TMCO5A: variants seen among roughly 807,000 people sequenced by gnomAD.
The protein encoded by TMCO5A is transmembrane and coiled-coil domain-containing protein 5A.
In TMCO5A, 34 loss-of-function variants were observed where a neutral mutation model predicts 42.3. The observed-to-expected ratio is 0.80, with a 90% CI of 0.61 to 1.07. TMCO5A has a LOEUF of 1.07. TMCO5A is among the 50% of genes least tolerant of loss of function. The pLI is 0.00. For synonymous variants in TMCO5A, 131 were observed against 115.6 expected (o/e 1.13, Z -0.86); for missense variants, 357 against 327.9 (o/e 1.09, Z -0.69).
intron 10 of TMCO5A, among the ~76,000 whole-genome samples, chr15:37,945,923 T>C (rs1889934005): frequency 6.6e-6 from 1 of 152,176 alleles, no homozygotes; most frequent in Non-Finnish European, 1.5e-5. Flanking sequence ...GCTTTTGGCA[T>C]TTTCATCAAG....
At chr15:37,948,628 G>A (rs1266075890) in intron 11 of TMCO5A, among the ~76,000 whole-genome samples, 1 of 152,098 alleles carries the variant, frequency 6.6e-6, no homozygotes, top group Non-Finnish European at 1.5e-5. Flanking sequence ...AATAAGGACT[G>A]TCTGCCTAAA....
chr15:38,019,567 C>CCACT, the TMCO5A span, among the ~76,000 whole-genome samples: 1 of 152,086 alleles, frequency 6.6e-6, no homozygotes, highest in African/African-American at 2.4e-5. Context: ...ACAACCTCCC[C>CCACT]CACTGTCAGC....
At position 37,938,076 on chromosome 15, in the gene TMCO5A, T is replaced by G. The variant is rs1299705185; in HGVS notation, c.316-82T>G. On this transcript the variant is annotated intron_variant, in intron 5 of 11. Coordinates refer to ENST00000319669, the MANE Select transcript of TMCO5A (RefSeq NM_152453.4). ...ATCCTGGAAAGGTTTATAAAGGCCATAGTTACTAATCTCCACACACCAGAG... is the reference window on the plus strand; with the variant it reads ...ATCCTGGAAAGGTTTATAAAGGCCAGAGTTACTAATCTCCACACACCAGAG... The G allele has an allele frequency of 4.3e-6, 5 of 1,170,906 alleles. No homozygotes were observed. In the Admixed American group the frequency reaches 1.1e-4, roughly 25 times the overall value. The allele number at this position is 1,170,906 out of a possible 1,614,324, so 72.5% of individuals were successfully genotyped here.
the TMCO5A span, among the ~76,000 whole-genome samples, chr15:38,018,867 A>T: frequency 6.6e-6 from 1 of 152,140 alleles, no homozygotes; most frequent in African/African-American, 2.4e-5. Flanking sequence ...AAGAAATGAA[A>T]ATTAGATGGG....
chr15:37,959,033 A>T (rs563401840), intron 11 of TMCO5A, among the ~76,000 whole-genome samples: 16 of 151,636 alleles, frequency 1.1e-4, no homozygotes, highest in Non-Finnish European at 2.1e-4. Context: ...AACACCAAAC[A>T]CCATATGTTC....
downstream of TMCO5A, among the ~76,000 whole-genome samples, chr15:37,972,463 T>C (rs1039241647): frequency 1.3e-5 from 2 of 152,226 alleles, no homozygotes; most frequent in Admixed American, 1.3e-4. Flanking sequence ...TTTGAGTTTT[T>C]AATAATAGCC....
At chr15:38,032,449 A>G in the TMCO5A span, among the ~76,000 whole-genome samples, 1 of 152,236 alleles carries the variant, frequency 6.6e-6, no homozygotes, top group Admixed American at 6.5e-5. Context: ...TATGCTACGT[A>G]AAGGGGCAAA....
intron 6 of TMCO5A, among the ~76,000 whole-genome samples, chr15:37,939,814 C>T (rs149993682): frequency 6.6e-6 from 1 of 152,162 alleles, no homozygotes; most frequent in East Asian, 1.9e-4. Flanking sequence ...TGACTCACAC[C>T]ATTGGCTTGA....
intron 11 of TMCO5A, chr15:37,956,769 C>T (rs1890303197): frequency 6.6e-6 from 1 of 152,174 alleles, no homozygotes; most frequent in South Asian, 2.1e-4. Context: ...ATACCAAAAC[C>T]TAGCAAAGAC....
At chr15:38,010,663 C>A in the TMCO5A span, among the ~76,000 whole-genome samples, 1 of 152,140 alleles carries the variant, frequency 6.6e-6, no homozygotes, top group Admixed American at 6.5e-5. Context: ...AAATAAATTT[C>A]TGTGGTTTTA....
the TMCO5A span, among the ~76,000 whole-genome samples, chr15:38,016,089 T>G: frequency 6.6e-6 from 1 of 152,102 alleles, no homozygotes; most frequent in Non-Finnish European, 1.5e-5. Flanking sequence ...TCAATGTAGG[T>G]TCATCAGTTG....
intron 11 of TMCO5A, among the ~76,000 whole-genome samples, chr15:37,961,653 C>T (rs1318804616): frequency 6.6e-6 from 1 of 152,056 alleles, no homozygotes; most frequent in African/African-American, 2.4e-5. Flanking sequence ...AATATTGATT[C>T]TACCCATCCG....
the TMCO5A span, among the ~76,000 whole-genome samples, chr15:37,980,844 TA>T: frequency 6.6e-6 from 1 of 152,096 alleles, no homozygotes; most frequent in South Asian, 2.1e-4. Flanking sequence ...CCACACCCTC[TA>T]AACCCATGAA....
the TMCO5A span, among the ~76,000 whole-genome samples, chr15:37,973,087 G>T: frequency 6.6e-6 from 1 of 151,622 alleles, no homozygotes; most frequent in Non-Finnish European, 1.5e-5. Flanking sequence ...GACTATTGTA[G>T]GTGTGTGGTT....
chr15:37,976,138 G>A, the TMCO5A span, among the ~76,000 whole-genome samples: 29 of 151,682 alleles, frequency 1.9e-4, no homozygotes, highest in Non-Finnish European at 3.2e-4. Flanking sequence ...CCAGCTACTC[G>A]GGAGGCTGAG....
chr15:38,008,158 G>A, the TMCO5A span, among the ~76,000 whole-genome samples: 3 of 151,594 alleles, frequency 2.0e-5, no homozygotes, highest in South Asian at 4.2e-4. Flanking sequence ...GCCTCCCAAA[G>A]TGCTGAGATT....
At chr15:37,948,212 C>T (rs79612711) in intron 11 of TMCO5A, among the ~76,000 whole-genome samples, 3 of 152,008 alleles carry the variant, frequency 2.0e-5, no homozygotes, top group African/African-American at 7.2e-5. Flanking sequence ...GATTCAAATA[C>T]CTGAGTAGAT....
the TMCO5A span, among the ~76,000 whole-genome samples, chr15:38,024,207 G>A: frequency 9.2e-4 from 140 of 152,310 alleles, no homozygotes; most frequent in African/African-American, 3.2e-3. Flanking sequence ...CTGCCACTGA[G>A]CTTCTCCAGG....
the TMCO5A span, among the ~76,000 whole-genome samples, chr15:38,003,070 T>A: frequency 6.6e-6 from 1 of 152,212 alleles, no homozygotes; most frequent in South Asian, 2.1e-4. Flanking sequence ...TGCAGTTGCA[T>A]GTGCATTAGG....
Sources: gnomAD v4.1 joint callset for allele counts (sites outside exome capture counted in the v4.1 genomes callset) on GRCh38, gnomAD v4.1.1 for gene constraint, MANE v1.5 for transcripts, NCBI Gene and HGNC (gene_info 2026-07-23, HGNC 2026-07-21) for gene names.